Variants in C5orf52 observed in about 807,000 individuals in gnomAD.
The protein encoded by C5orf52 is chromosome 5 open reading frame 52.
C5orf52 carries 15 observed loss-of-function variants against 16.8 expected under a neutral mutation model. The observed-to-expected ratio is 0.89, with a 90% confidence interval of 0.60 to 1.38. C5orf52 has a LOEUF of 1.38. Ranked by LOEUF, C5orf52 falls within the 40% of genes most tolerant of loss-of-function variation. The pLI, the probability that C5orf52 is intolerant of heterozygous loss-of-function variation, is 0.00. For missense variants in C5orf52, 206 were observed against 213.1 expected, an observed-to-expected ratio of 0.97 and a Z score of 0.21; for synonymous variants, 83 against 87.2, an observed-to-expected ratio of 0.95 and a Z score of 0.27.
chr5:157,671,846 A>G lies in C5orf52; in HGVS notation c.212+20A>G. 6.9e-7 allele frequency: 1 copy of G among 1,457,246 alleles called. No individual in the cohort carries two copies. The highest frequency in any genetic ancestry group is 9.2e-7 in the Non-Finnish European group (1 of 1,091,358). 90.3% of individuals were successfully genotyped at this position (1,457,246 alleles called of 1,614,324 possible). A position where few individuals can be genotyped will look rare whatever the true frequency, so the allele number is the denominator to read the frequency against. On this transcript the variant is annotated intron_variant, in intron 1 of 2. Transcript: ENST00000409999. ...GTTCAGGTGTGGCCCGCATGCCCAG[A>G]GCGTTCGTCAGACCCTCGGACCCGC... is the stretch of plus-strand genomic sequence containing the variant.
chr5:157,671,680 C>T lies in C5orf52; in HGVS notation c.66C>T (p.Ala22=). The change falls in exon 1 of 3, where the codon GCC becomes GCT. Residue 22 remains alanine, a synonymous_variant. Transcript: ENST00000409999. The part of the protein sequence containing the change: ...DQGSSTIGGT[A]AQATTSSSAT... ...GATCCTCCACGATCGGCGGGACCGCCGCCCAGGCGACCACCAGTTCCAGCG... is the reference window on the plus strand; with the variant it reads ...GATCCTCCACGATCGGCGGGACCGCTGCCCAGGCGACCACCAGTTCCAGCG... The T allele has an allele frequency of 3.2e-6, 5 of 1,551,314 alleles. No homozygotes were observed. Among genetic ancestry groups the T allele is most frequent in the Non-Finnish European group, 4.4e-6 (5 of 1,146,880 alleles).
At chr5:157,679,005 G>A (rs1372849718) in intron 2 of C5orf52, among the ~76,000 whole-genome samples, 7 of 151,926 alleles carry the variant, frequency 4.6e-5, no homozygotes, top group Non-Finnish European at 8.8e-5. Context: ...GTGGTGGCGG[G>A]CGCATGTAGT....
rs1232559126 is a variant in C5orf52, at chr5:157,680,021, C to T, written c.*22C>T. On this transcript the variant is annotated 3_prime_UTR_variant, in exon 3 of 3. Transcript: ENST00000409999. The stretch of plus-strand genomic sequence containing the variant: ...TTAAACTCCAGTCTCCCAAGAAAGG[C>T]CAACCACCCTAGTTCTGGCAAAGGG... The T allele has an allele frequency of 7.1e-6, 11 of 1,548,616 alleles. No homozygotes were observed. The Admixed American group carries it at 2.0e-4, about 28-fold the overall frequency.
rs1759976153 is a variant in C5orf52 at position 157,679,992 on chromosome 5, C to A, written c.473C>A (p.Pro158Gln). ...TACTTAACCTTCGGGATACCACCAC[C>A]AGTTTAAACTCCAGTCTCCCAAGAA... ...NRYLTFGIPP[P>Q]V Residue 158 changes from proline (P) to glutamine (Q), a missense_variant, in exon 3 of 3, where the codon CCA (proline) becomes CAA (glutamine). Transcript: ENST00000409999. The A allele has an allele frequency of 1.3e-6, 2 of 1,551,080 alleles. No homozygotes were observed. Among genetic ancestry groups the A allele is most frequent in the Non-Finnish European group, 1.7e-6 (2 of 1,146,872 alleles).
rs1343167360 is a variant in C5orf52, at chr5:157,680,153, A to G, written c.*154A>G. The G allele has an allele frequency of 1.4e-6, 1 of 709,104 alleles. No homozygotes were observed. Among genetic ancestry groups the G allele is most frequent in the Non-Finnish European group, 2.3e-6 (1 of 432,708 alleles). 43.9% of individuals were successfully genotyped at this position (709,104 alleles called of 1,614,324 possible). The stretch of plus-strand genomic sequence containing the variant: ...CAGAAACCAGCAGACAGCGGAGCAT[A>G]ATAAATCCTCAGCAATCCTCATATT... On this transcript the variant is annotated 3_prime_UTR_variant, in exon 3 of 3. Coordinates refer to ENST00000409999, the MANE Select transcript of C5orf52 (RefSeq NM_001145132.2).
In C5orf52 at chr5:157,676,871, C is replaced by CCT. The variant is rs1561595823; in HGVS notation, c.321+1671_321+1672insCT. Among the ~76,000 whole-genome samples the CCT allele has an allele frequency of 1.8e-4, 17 of 97,096 alleles. 1 individual carries two copies. The highest frequency in any genetic ancestry group is 4.6e-4 in the African/African-American group (11 of 24,078). The allele number at this position is 97,096 out of a possible 152,430, so 63.7% of individuals were successfully genotyped here. A position where few individuals can be genotyped will look rare whatever the true frequency, so the allele number is the denominator to read the frequency against. On this transcript the variant is annotated intron_variant, in intron 2 of 2. Transcript: ENST00000409999. ...CCTTTTTTTAATTTCCTTTTTTTTT[C>CCT]TTTTTTTTTTTTTTTGAGACAGGGT... is the stretch of plus-strand genomic sequence containing the variant.
At chr5:157,672,869 T>C (rs1399282177) in intron 1 of C5orf52, among the ~76,000 whole-genome samples, 3 of 151,840 alleles carry the variant, frequency 2.0e-5, no homozygotes, top group Non-Finnish European at 4.4e-5. Context: ...TTGGCCAGTC[T>C]GGTCTGGAAC....
chr5:157,677,694 G>A (rs1337986899), intron 2 of C5orf52, among the ~76,000 whole-genome samples: 1 of 150,988 alleles, frequency 6.6e-6, no homozygotes, highest in African/African-American at 2.4e-5. Context: ...AGAAAATGGT[G>A]GTAATAAGGT....
intron 2 of C5orf52, among the ~76,000 whole-genome samples, chr5:157,677,224 C>G (rs181167992): frequency 6.6e-6 from 1 of 152,112 alleles, no homozygotes; most frequent in African/African-American, 2.4e-5. Context: ...CTGAATATCC[C>G]GCAGTGTATG....
intron 2 of C5orf52, among the ~76,000 whole-genome samples, chr5:157,675,474 A>T (rs1759877265): frequency 6.6e-6 from 1 of 152,166 alleles, no homozygotes; most frequent in Non-Finnish European, 1.5e-5. Context: ...TATTTAGGGA[A>T]TCCATGAATG....
intron 1 of C5orf52, among the ~76,000 whole-genome samples, chr5:157,672,523 A>C (rs1222214216): frequency 6.6e-6 from 1 of 151,888 alleles, no homozygotes; most frequent in Non-Finnish European, 1.5e-5. Context: ...TGTGTCCTTA[A>C]ATGTTTTAGG....
rs1238507980 is a variant in C5orf52, at chr5:157,679,957, C to G, written c.438C>G (p.Asn146Lys). The change falls in exon 3 of 3, where the codon AAC (asparagine) becomes AAG (lysine). Residue 146 changes from asparagine (N) to lysine (K), a missense_variant. Coordinates refer to ENST00000409999, the MANE Select transcript of C5orf52 (RefSeq NM_001145132.2). ...GGCGATGGAGAGAGGAATCCGTGAA[C>G]AGCAACCGGTACTTAACCTTCGGGA... ...KLGRWREESV[N>K]SNRYLTFGIP... 9 of 1,551,684 alleles carry G rather than the reference C, an allele frequency of 5.8e-6. No homozygotes were observed. In the South Asian group the frequency reaches 8.3e-5, roughly 14 times the overall value.
chr5:157,676,012 G>A (rs1353308826), intron 2 of C5orf52, among the ~76,000 whole-genome samples: 2 of 152,068 alleles, frequency 1.3e-5, no homozygotes, highest in African/African-American at 4.8e-5. Flanking sequence ...TGAACAAGAT[G>A]GACTCCAGAA....
At chr5:157,676,416 G>T (rs1267301230) in intron 2 of C5orf52, among the ~76,000 whole-genome samples, 1 of 152,134 alleles carries the variant, frequency 6.6e-6, no homozygotes, top group Non-Finnish European at 1.5e-5. Flanking sequence ...CCATGTTCCA[G>T]GGTCAAGTCT....
chr5:157,673,772 G>A (rs1007690849), intron 1 of C5orf52, among the ~76,000 whole-genome samples: 1 of 151,972 alleles, frequency 6.6e-6, no homozygotes, highest in Non-Finnish European at 1.5e-5. Context: ...AGCCTCCCGA[G>A]TAGCTGGGAT....
intron 1 of C5orf52, 137 bp downstream of exon 1, chr5:157,671,963 G>T (rs904219629): frequency 1.7e-6 from 1 of 571,632 alleles, no homozygotes. Flanking sequence ...TCGTAGCCCC[G>T]GGCACCAGCA....
chr5:157,673,231 G>A (rs1759830871), intron 1 of C5orf52, among the ~76,000 whole-genome samples: 1 of 151,912 alleles, frequency 6.6e-6, no homozygotes, highest in South Asian at 2.1e-4. Flanking sequence ...CAGTTACTCG[G>A]GAGCCTGAGG....
Position 157,675,084 on chromosome 5 carries a change from T to A in C5orf52, c.213-8T>A. 2 of 1,542,750 alleles carry A rather than the reference T, an allele frequency of 1.3e-6. No homozygotes were observed. Among genetic ancestry groups the A allele is most frequent in the Non-Finnish European group, 1.8e-6 (2 of 1,138,818 alleles). On this transcript the variant is annotated splice_region_variant and splice_polypyrimidine_tract_variant and intron_variant, in intron 1 of 2. Coordinates refer to ENST00000409999, the MANE Select transcript of C5orf52 (RefSeq NM_001145132.2). ...GTAACCTGTGCCACCTTTCCCTCCC[T>A]GCTCCAGCTTAATGAATTCCAGTGA...
intron 1 of C5orf52, among the ~76,000 whole-genome samples, chr5:157,672,518 C>T (rs1467410237): frequency 2.0e-5 from 3 of 151,978 alleles, no homozygotes; most frequent in African/African-American, 7.3e-5. Flanking sequence ...TTTTATGTGT[C>T]CTTAAATGTT....
Sources: allele counts gnomAD v4.1 joint callset (sites outside exome capture counted in the v4.1 genomes callset), GRCh38; gene constraint gnomAD v4.1.1; transcripts MANE v1.5; gene names NCBI Gene and HGNC (gene_info 2026-07-23, HGNC 2026-07-21).